Variants in HEBP2 observed in about 807,000 individuals in gnomAD.
The protein encoded by HEBP2 is heme binding protein 2.
A neutral mutation model predicts 23.1 loss-of-function variants in HEBP2; 27 were observed. The ratio of observed to expected loss-of-function variants is 1.17; its 90% CI spans 0.86 to 1.61. The LOEUF (loss-of-function observed/expected upper bound fraction) is 1.61, where lower values mean the gene tolerates loss of function less well. HEBP2 is among the 40% of genes most tolerant of loss of function. HEBP2 has a pLI of 0.00. For synonymous variants in HEBP2, 99 were observed against 95.1 expected, an observed-to-expected ratio of 1.04 and a Z score of -0.24; for missense variants, 245 against 253.8, an observed-to-expected ratio of 0.97 and a Z score of 0.24.
rs916096126 is a variant in HEBP2, at chr6:138,417,990, G to A, written c.*4912G>A. 9 of 152,110 alleles carry A rather than the reference G, an allele frequency of 5.9e-5. No individual in the cohort carries two copies. The highest frequency in any genetic ancestry group is 1.9e-4 in the African/African-American group (8 of 41,404). The allele number at this position is 152,110 out of a possible 1,614,324, so 9.4% of individuals were successfully genotyped here. Reference sequence around the variant, plus strand: ...GCTTCTTTGGACTTCCCCTAACAAAGCTTAAAGACAAGCCTTGGAAGGATC... The same window carrying A: ...GCTTCTTTGGACTTCCCCTAACAAAACTTAAAGACAAGCCTTGGAAGGATC... On this transcript the variant is annotated 3_prime_UTR_variant, in exon 4 of 4. Coordinates refer to ENST00000607197, the MANE Select transcript of HEBP2 (RefSeq NM_014320.3).
Position 138,421,297 on chromosome 6 carries a change from C to T in HEBP2, c.*8219C>T, listed in dbSNP as rs1433439682. The T allele has an allele frequency of 6.6e-6, 1 of 152,184 alleles. No homozygotes were observed. The highest frequency in any genetic ancestry group is 1.9e-4 in the East Asian group (1 of 5,202). The allele number at this position is 152,184 out of a possible 1,614,324, so 9.4% of individuals were successfully genotyped here. The stretch of plus-strand genomic sequence containing the variant: ...TTTCCCCTCTCCTCCTAAGATGCCA[C>T]CACAGAGCAGGGTGCCAGTGGTGGG... On this transcript the variant is annotated 3_prime_UTR_variant, in exon 4 of 4. Coordinates refer to ENST00000607197, the MANE Select transcript of HEBP2 (RefSeq NM_014320.3).
intron 3 of HEBP2, among the ~76,000 whole-genome samples, chr6:138,409,811 T>C (rs1774713546): frequency 6.6e-6 from 1 of 152,198 alleles, no homozygotes; most frequent in Admixed American, 6.5e-5. Context: ...TTCTCACCCT[T>C]CATGTAACAT....
rs1329289730 is a variant in HEBP2 at position 138,413,342 on chromosome 6, T to A, written c.*264T>A. The A allele has an allele frequency of 2.9e-6, 1 of 348,674 alleles. No individual in the cohort carries two copies. The highest frequency in any genetic ancestry group is 5.3e-6 in the Non-Finnish European group (1 of 190,292). 21.6% of individuals were successfully genotyped at this position (348,674 alleles called of 1,614,324 possible). A position where few individuals can be genotyped will look rare whatever the true frequency, so the allele number is the denominator to read the frequency against. On this transcript the variant is annotated 3_prime_UTR_variant, in exon 4 of 4. Transcript: ENST00000607197. ...AGGATCTAGGGAAATTTCATGTCACTTCCCTCCTTCACTGCATCACAATCA... is the reference window on the plus strand; with the variant it reads ...AGGATCTAGGGAAATTTCATGTCACATCCCTCCTTCACTGCATCACAATCA...
chr6:138,407,483 G>T (rs1320614533), intron 3 of HEBP2, among the ~76,000 whole-genome samples: 1 of 152,340 alleles, frequency 6.6e-6, no homozygotes, highest in African/African-American at 2.4e-5. Context: ...CTGAACAGAG[G>T]TTGGGCCCCC....
rs569419858 is a variant in HEBP2, at chr6:138,405,783, A to G, written c.239-188A>G. Among the ~76,000 whole-genome samples, 3 of 152,358 alleles carry G rather than the reference A, an allele frequency of 2.0e-5. No homozygotes were observed. The South Asian group carries it at 6.2e-4, about 32-fold the overall frequency. Reference sequence around the variant, plus strand: ...TTAACCCAGAATATCAGTATTACAGAAAGTGGTTTAATGTGGGCAGTGAGC... The same window carrying G: ...TTAACCCAGAATATCAGTATTACAGGAAGTGGTTTAATGTGGGCAGTGAGC... On this transcript the variant is annotated intron_variant, in intron 2 of 3. Coordinates refer to ENST00000607197, the MANE Select transcript of HEBP2 (RefSeq NM_014320.3).
At chr6:138,405,069 C>A (rs1392285562) in intron 1 of HEBP2, 76 bp from the exon 2 acceptor site, 1 of 1,525,626 alleles carries the variant, frequency 6.6e-7, no homozygotes, top group African/African-American at 1.4e-5. Flanking sequence ...GACCCGAGAT[C>A]ATGGCACCGG....
rs551526901 is a variant in HEBP2 at position 138,408,842 on chromosome 6, G to A, written c.419+2691G>A. On this transcript the variant is annotated intron_variant, in intron 3 of 3. Transcript: ENST00000607197. ...TCATATTGCTTCAACTCCCTCAGTC[G>A]AATGATTCTCCCATCTATTAAGTGT... Among the ~76,000 whole-genome samples, 3 of 152,106 alleles carry A rather than the reference G, an allele frequency of 2.0e-5. No homozygotes were observed. The South Asian group carries it at 6.2e-4, about 32-fold the overall frequency.
In HEBP2 at chr6:138,412,959, A is replaced by C; in HGVS notation, c.499A>C (p.Lys167Gln). 6.2e-7 allele frequency: 1 copy of C among 1,614,180 alleles called. No homozygotes were observed. Among genetic ancestry groups the C allele is most frequent in the East Asian group, 2.2e-5 (1 of 44,888 alleles). Residue 167 changes from lysine to glutamine, a missense_variant, in exon 4 of 4, where the codon AAA (lysine) becomes CAA (glutamine). Coordinates refer to ENST00000607197, the MANE Select transcript of HEBP2 (RefSeq NM_014320.3). Reference protein sequence around the residue: ...TLASILREDGKVFDEKVYYTA... With the variant: ...TLASILREDGQVFDEKVYYTA... ...AGCAAGCATTTTAAGGGAAGATGGA[A>C]AAGTTTTCGATGAGAAGGTTTACTA...
rs1316815622 is a variant in HEBP2, at chr6:138,419,080, A to G, written c.*6002A>G. On this transcript the variant is annotated 3_prime_UTR_variant, in exon 4 of 4. Coordinates refer to ENST00000607197, the MANE Select transcript of HEBP2 (RefSeq NM_014320.3). ...ACTAAACAACCAAGTAGATGAAATG[A>G]CTTAGCCTGTTCTATTAGCTTTTGC... 1 of 152,006 alleles carries G rather than the reference A, an allele frequency of 6.6e-6. No individual in the cohort carries two copies. Among genetic ancestry groups the G allele is most frequent in the Non-Finnish European group, 1.5e-5 (1 of 68,022 alleles). 9.4% of individuals were successfully genotyped at this position (152,006 alleles called of 1,614,324 possible). A position where few individuals can be genotyped will look rare whatever the true frequency, so the allele number is the denominator to read the frequency against.
chr6:138,404,598 G>C lies in HEBP2; in HGVS notation c.102+1G>C. The stretch of plus-strand genomic sequence containing the variant: ...GGCCCCGGAGGACGCCGGCCCCCAG[G>C]TAGGCGCCGACTCGGGAGCGGAGGG... On this transcript the variant is annotated splice_donor_variant, in intron 1 of 3. Coordinates refer to ENST00000607197, the MANE Select transcript of HEBP2 (RefSeq NM_014320.3). LOFTEE classifies it high-confidence loss of function. 1 of 1,277,514 alleles carries C rather than the reference G, an allele frequency of 7.8e-7. No homozygotes were observed. 79.1% of individuals were successfully genotyped at this position (1,277,514 alleles called of 1,614,324 possible).
At chr6:138,404,889 T>C (rs1382741606) in intron 1 of HEBP2, among the ~76,000 whole-genome samples, 1 of 152,118 alleles carries the variant, frequency 6.6e-6, no homozygotes, top group Admixed American at 6.5e-5. Flanking sequence ...GTGTAATAGA[T>C]GCTTGTCTGA....
chr6:138,421,606 C>G lies in HEBP2; in HGVS notation c.*8528C>G, dbSNP rs1051692514. 6.6e-6 allele frequency: 1 copy of G among 152,152 alleles called. No individual in the cohort carries two copies. The highest frequency in any genetic ancestry group is 1.5e-5 in the Non-Finnish European group (1 of 68,022). The allele number at this position is 152,152 out of a possible 1,614,324, so 9.4% of individuals were successfully genotyped here. A position where few individuals can be genotyped will look rare whatever the true frequency, so the allele number is the denominator to read the frequency against. On this transcript the variant is annotated 3_prime_UTR_variant, in exon 4 of 4. Coordinates refer to ENST00000607197, the MANE Select transcript of HEBP2 (RefSeq NM_014320.3). The stretch of plus-strand genomic sequence containing the variant: ...GAGGGTATGAGAGCCATCAGATCTA[C>G]CCCTGTGGAGCTTTTTAAGATGCGG...
At chr6:138,410,054 A>G (rs962542721) in intron 3 of HEBP2, among the ~76,000 whole-genome samples, 2 of 152,196 alleles carry the variant, frequency 1.3e-5, no homozygotes, top group African/African-American at 4.8e-5. Context: ...GCCACCCTAC[A>G]GGACAAATGA....
chr6:138,411,101 G>T (rs9495078), intron 3 of HEBP2, among the ~76,000 whole-genome samples: 15,463 of 152,194 alleles, frequency 0.1, 957 homozygotes, highest in African/African-American at 0.17. Flanking sequence ...ATTAGGAAAA[G>T]TTTTGTTTCT....
rs1237825199 is a variant in HEBP2 at position 138,420,604 on chromosome 6, A to C, written c.*7526A>C. ...GGAGGGGTTGGTGGCCAATGATTTC[A>C]CTAAATTATGGAAATTGAGAGCATG... is the stretch of plus-strand genomic sequence containing the variant. On this transcript the variant is annotated 3_prime_UTR_variant, in exon 4 of 4. Transcript: ENST00000607197. 5.9e-5 allele frequency: 9 copies of C among 152,300 alleles called. No homozygotes were observed. The East Asian group carries it at 1.7e-3, about 29-fold the overall frequency. 9.4% of individuals were successfully genotyped at this position (152,300 alleles called of 1,614,324 possible). A position where few individuals can be genotyped will look rare whatever the true frequency, so the allele number is the denominator to read the frequency against.
rs945771852 is a variant in HEBP2 at position 138,404,431 on chromosome 6, C to A, written c.-65C>A. Reference sequence around the variant, plus strand: ...CCTCGGCGGGGCGCGCACACGCAGGCGGGGCGGCCCGGGGTGCGGGGCCTC... The same window carrying A: ...CCTCGGCGGGGCGCGCACACGCAGGAGGGGCGGCCCGGGGTGCGGGGCCTC... On this transcript the variant is annotated 5_prime_UTR_variant, in exon 1 of 4. Coordinates refer to ENST00000607197, the MANE Select transcript of HEBP2 (RefSeq NM_014320.3). 1.2e-5 allele frequency: 13 copies of A among 1,085,162 alleles called. No homozygotes were observed. The highest frequency in any genetic ancestry group is 3.5e-4 in the Middle Eastern group (1 of 2,836). 67.2% of individuals were successfully genotyped at this position (1,085,162 alleles called of 1,614,324 possible).
At chr6:138,407,890 G>A (rs1216773531) in intron 3 of HEBP2, among the ~76,000 whole-genome samples, 2 of 152,182 alleles carry the variant, frequency 1.3e-5, no homozygotes, top group Non-Finnish European at 2.9e-5. Flanking sequence ...TGAACCTGGG[G>A]CATCCAAGGA....
chr6:138,412,429 C>T (rs1225935911), intron 3 of HEBP2, among the ~76,000 whole-genome samples: 2 of 152,138 alleles, frequency 1.3e-5, no homozygotes, highest in Non-Finnish European at 2.9e-5. Flanking sequence ...GTGGTCAGTT[C>T]ATCTGCTGAG....
At chr6:138,412,180 T>G (rs1310344786) in intron 3 of HEBP2, 1 of 375,736 alleles carries the variant, frequency 2.7e-6, no homozygotes, top group African/African-American at 2.2e-5. Context: ...AGCACCGGCA[T>G]GGATGTGGGA....
Sources: allele counts gnomAD v4.1 joint callset (sites outside exome capture counted in the v4.1 genomes callset), GRCh38; gene constraint gnomAD v4.1.1; transcripts MANE v1.5; gene names NCBI Gene and HGNC (gene_info 2026-07-23, HGNC 2026-07-21).